CTC1: variants seen among roughly 807,000 people sequenced by gnomAD.
The protein encoded by CTC1 is CST complex subunit CTC1.
Under a neutral mutation model 136.3 loss-of-function variants are expected in CTC1, and 91 were observed. The ratio of observed to expected loss-of-function variants is 0.67; its 90% CI spans 0.56 to 0.79. The LOEUF is 0.79. Among genes scored for constraint, CTC1 ranks in the 30% least tolerant of loss-of-function variants. The pLI is 0.00. For missense variants in CTC1, 1,432 were observed against 1,498.1 expected (o/e 0.96, Z 0.73); for synonymous variants, 606 against 613.8 (o/e 0.99, Z 0.19).
chr17:8,242,963 C>T (rs769618102), intron 2 of CTC1, 22 bp downstream of exon 2: 13 of 1,593,246 alleles, frequency 8.2e-6, no homozygotes, highest in South Asian at 5.7e-5. Context: ...GCCCAGCCCC[C>T]GCAACCGCCA....
chr17:8,226,372 G>A lies in CTC1; in HGVS notation c.*1808C>T, dbSNP rs1986669481. Reference sequence around the variant, plus strand: ...ATATAGAGCTAGGAACCCGGACCGAGCTTTTTCAGATCTTTCTAGAACTAA... The same window carrying A: ...ATATAGAGCTAGGAACCCGGACCGAACTTTTTCAGATCTTTCTAGAACTAA... On this transcript the variant is annotated 3_prime_UTR_variant, in exon 23 of 23. Transcript: ENST00000651323. 2 of 152,176 alleles carry A rather than the reference G, an allele frequency of 1.3e-5. No individual in the cohort carries two copies. Among genetic ancestry groups the A allele is most frequent in the African/African-American group, 4.8e-5 (2 of 41,444 alleles). The allele number at this position is 152,176 out of a possible 1,614,324, so 9.4% of individuals were successfully genotyped here.
At chr17:8,242,768 CCTCT>C (rs1988381641) in intron 2 of CTC1, among the ~76,000 whole-genome samples, 1 of 151,884 alleles carries the variant, frequency 6.6e-6, no homozygotes, top group African/African-American at 2.4e-5. Flanking sequence ...TTCCCCTCTT[CCTCT>C]CTTTTTCTTT....
chr17:8,246,261 C>A (rs1187674089), intron 1 of CTC1, among the ~76,000 whole-genome samples: 1 of 142,350 alleles, frequency 7.0e-6, no homozygotes, highest in African/African-American at 2.6e-5. Context: ...CAGATTAATA[C>A]AGGCTGAAGT....
At position 8,236,124 on chromosome 17, in the gene CTC1, G is replaced by A; in HGVS notation, c.1011C>T (p.Pro337=). 1 of 1,614,206 alleles carries A rather than the reference G, an allele frequency of 6.2e-7. No homozygotes were observed. Among genetic ancestry groups the A allele is most frequent in the Non-Finnish European group, 8.5e-7 (1 of 1,180,038 alleles). ...LEADPKPLPM[P]SNSEDKKDPE... is the part of the protein sequence containing the mutation. ...GATCCTTCTTGTCCTCCGAGTTGCT[G>A]GGCATGGGGAGTGGCTTGGGGTCAG... Residue 337 remains proline (P), a synonymous_variant, in exon 6 of 23, where the codon CCC becomes CCT. Transcript: ENST00000651323.
intron 1 of CTC1, 38 bp from the exon 2 acceptor site, chr17:8,243,186 C>T (rs748240770): frequency 6.3e-6 from 10 of 1,583,116 alleles, no homozygotes; most frequent in South Asian, 2.3e-5. Context: ...TCTTGACTAT[C>T]CGGCCCACCA....
intron 11 of CTC1, 191 bp from the exon 12 acceptor site, chr17:8,232,666 C>T (rs1468071297): frequency 1.5e-6 from 1 of 675,774 alleles, no homozygotes; most frequent in African/African-American, 1.8e-5. Flanking sequence ...GTAGGAGACA[C>T]AGTTGTAATC....
chr17:8,243,261 T>C lies in CTC1; in HGVS notation c.34-113A>G, dbSNP rs566277379. On this transcript the variant is annotated intron_variant, in intron 1 of 22. Coordinates refer to ENST00000651323, the MANE Select transcript of CTC1 (RefSeq NM_025099.6). ...CGGGCCGGGTGCGGTGGCTCACGCC[T>C]GTAATCCCAACACTTTGGGAGGCTG... 7.2e-4 allele frequency: 703 copies of C among 972,316 alleles called. 5 individuals carry two copies. In the African/African-American group the frequency reaches 0.01, roughly 14 times the overall value. 60.2% of individuals were successfully genotyped at this position (972,316 alleles called of 1,614,324 possible).
In CTC1 at chr17:8,235,303, A is replaced by G; in HGVS notation, c.1207-18T>C. 1.9e-6 allele frequency: 3 copies of G among 1,596,384 alleles called. No individual in the cohort carries two copies. Among genetic ancestry groups the G allele is most frequent in the Non-Finnish European group, 2.6e-6 (3 of 1,165,104 alleles). On this transcript the variant is annotated intron_variant, in intron 7 of 22. Coordinates refer to ENST00000651323, the MANE Select transcript of CTC1 (RefSeq NM_025099.6). ...TCCTGGAGCTGGGGGAAAGCAGAGA[A>G]AATGAAAAAGCAGAGATGAAGACCC... is the stretch of plus-strand genomic sequence containing the variant.
chr17:8,234,489 A>G lies in CTC1; in HGVS notation c.1784T>C (p.Leu595Pro). Residue 595 changes from leucine to proline, a missense_variant, in exon 10 of 23, where the codon CTC becomes CCC. Coordinates refer to ENST00000651323, the MANE Select transcript of CTC1 (RefSeq NM_025099.6). ...GCAGAAGGCAGAGGGCAGCAGACAG[A>G]GCCAGGACCAAGCCAGGCGGCGATT... ...QLNRRLAWSW[L>P]CLLPSAFCPA... 2 of 1,553,002 alleles carry G rather than the reference A, an allele frequency of 1.3e-6. No homozygotes were observed. Among genetic ancestry groups the G allele is most frequent in the Non-Finnish European group, 1.7e-6 (2 of 1,147,568 alleles).
chr17:8,233,271 C>T lies in CTC1; in HGVS notation c.1819-239G>A, dbSNP rs766323636. The T allele has an allele frequency of 6.7e-4, 319 of 472,912 alleles. 1 individual carries two copies. Among genetic ancestry groups the T allele is most frequent in the Non-Finnish European group, 1.1e-3 (274 of 260,714 alleles). 29.3% of individuals were successfully genotyped at this position (472,912 alleles called of 1,614,324 possible). A position where few individuals can be genotyped will look rare whatever the true frequency, so the allele number is the denominator to read the frequency against. On this transcript the variant is annotated intron_variant, in intron 10 of 22. Coordinates refer to ENST00000651323, the MANE Select transcript of CTC1 (RefSeq NM_025099.6). ...TAGAGGTTACAGGTAAGAGGCCATG[C>T]GGGATCTCACAGGACACAATGAGAC...
At position 8,228,115 on chromosome 17, in the gene CTC1, G is replaced by T. The variant is rs886053608; in HGVS notation, c.*65C>A. The T allele has an allele frequency of 1.4e-4, 204 of 1,486,446 alleles. 2 individuals carry two copies. The Admixed American group carries it at 1.5e-3, about 11-fold the overall frequency. 92.1% of individuals were successfully genotyped at this position (1,486,446 alleles called of 1,614,324 possible). A position where few individuals can be genotyped will look rare whatever the true frequency, so the allele number is the denominator to read the frequency against. On this transcript the variant is annotated 3_prime_UTR_variant, in exon 23 of 23. Transcript: ENST00000651323. The stretch of plus-strand genomic sequence containing the variant: ...TCAATCACAGAACAAGTAGGGAGAG[G>T]AGCCAGGACCTAGGCCTTCAGGTTT...
At chr17:8,245,168 T>C (rs916365811) in intron 1 of CTC1, among the ~76,000 whole-genome samples, 5 of 151,864 alleles carry the variant, frequency 3.3e-5, no homozygotes, top group South Asian at 2.1e-4. Flanking sequence ...AAGAGAGAGA[T>C]TGGAAAAAAT....
At position 8,236,300 on chromosome 17, in the gene CTC1, T is replaced by C. The variant is rs745661327; in HGVS notation, c.835A>G (p.Thr279Ala). ...LVWHRALRPG[T>A]AYVLTELRVS... ...CGCAGTTCTGTCAGCACATAGGCTG[T>C]ACCAGGCCGAAGGGCTCTGTGCCAC... The change falls in exon 6 of 23, where the codon ACA (threonine) becomes GCA (alanine). Residue 279 changes from threonine to alanine, a missense_variant. By Grantham distance (58) the Thr-to-Ala change is moderately conservative. Coordinates refer to ENST00000651323, the MANE Select transcript of CTC1 (RefSeq NM_025099.6). 6.2e-7 allele frequency: 1 copy of C among 1,612,146 alleles called. No homozygotes were observed. Among genetic ancestry groups the C allele is most frequent in the Non-Finnish European group, 8.5e-7 (1 of 1,179,990 alleles).
At chr17:8,237,332 C>A (rs753764073) in intron 5 of CTC1, 43 bp downstream of exon 5, 2 of 1,611,476 alleles carry the variant, frequency 1.2e-6, no homozygotes, top group Non-Finnish European at 8.5e-7. Context: ...AAAGTTCTAC[C>A]ACCCTCCCCC....
chr17:8,242,031 A>G (rs1341933655), intron 2 of CTC1, among the ~76,000 whole-genome samples: 1 of 150,884 alleles, frequency 6.6e-6, no homozygotes, highest in African/African-American at 2.5e-5. Flanking sequence ...AGTGATTATT[A>G]TTATTATTTT....
intron 15 of CTC1, 145 bp downstream of exon 15, chr17:8,231,131 A>G (rs1987180736): frequency 1.5e-6 from 1 of 662,322 alleles, no homozygotes; most frequent in African/African-American, 1.8e-5. Flanking sequence ...ACAGAGTGAG[A>G]CTCCGTCTCA....
Position 8,228,784 on chromosome 17 carries a change from G to A in CTC1, c.3330C>T (p.Phe1110=), listed in dbSNP as rs779335414. 25 of 1,614,012 alleles carry A rather than the reference G, an allele frequency of 1.5e-5. No homozygotes were observed. Among genetic ancestry groups the A allele is most frequent in the Middle Eastern group, 1.6e-4 (1 of 6,084 alleles). ...AGACCACTCTGCCTGGCACTTGGAC[G>A]AAATCTAGGAGGGAGGCCCACTCTC... The part of the protein sequence containing the change: ...CPREWASLLD[F]VQVPGRVVLQ... The change falls in exon 21 of 23, where the codon TTC becomes TTT. Residue 1110 remains phenylalanine, a synonymous_variant. Coordinates refer to ENST00000651323, the MANE Select transcript of CTC1 (RefSeq NM_025099.6).
Position 8,240,081 on chromosome 17 carries a change from A to T in CTC1, c.198-1452T>A, listed in dbSNP as rs150522782. On this transcript the variant is annotated intron_variant, in intron 2 of 22. Transcript: ENST00000651323. ...TGGCAAAGCTAGATGTGCCTCATTC[A>T]AAAGTCCATGTTCTTTCTCTGTGTT... Among the ~76,000 whole-genome samples, 30 of 152,270 alleles carry T rather than the reference A, an allele frequency of 2.0e-4. 1 individual carries two copies. In the East Asian group the frequency reaches 5.2e-3, roughly 26 times the overall value.
rs1036303703 is a variant in CTC1 at position 8,226,636 on chromosome 17, C to T, written c.*1544G>A. The T allele has an allele frequency of 5.3e-5, 8 of 151,606 alleles. No homozygotes were observed. Among genetic ancestry groups the T allele is most frequent in the South Asian group, 2.1e-4 (1 of 4,828 alleles). The allele number at this position is 151,606 out of a possible 1,614,324, so 9.4% of individuals were successfully genotyped here. A position where few individuals can be genotyped will look rare whatever the true frequency, so the allele number is the denominator to read the frequency against. On this transcript the variant is annotated 3_prime_UTR_variant, in exon 23 of 23. Coordinates refer to ENST00000651323, the MANE Select transcript of CTC1 (RefSeq NM_025099.6). ...GTAGTCGGCAGGATTCGAACCTGCG[C>T]GGGGAGACCCCAATGGATTTCTAGT...
Sources: allele counts gnomAD v4.1 joint callset (sites outside exome capture counted in the v4.1 genomes callset), GRCh38; gene constraint gnomAD v4.1.1; transcripts MANE v1.5; gene names NCBI Gene and HGNC (gene_info 2026-07-23, HGNC 2026-07-21).